The following IGSF10 variants were observed in gnomAD, a reference collection of about 807,000 sequenced individuals.
IGSF10 encodes immunoglobulin superfamily member 10.
In IGSF10, 126 loss-of-function variants were observed where a neutral mutation model predicts 128.2. The ratio of observed to expected loss-of-function variants is 0.98; its 90% CI spans 0.85 to 1.14. IGSF10 has a LOEUF of 1.14. Ranked by LOEUF, IGSF10 falls within the 50% of genes most tolerant of loss-of-function variation. The pLI is 0.00. For synonymous variants in IGSF10, 1,185 were observed against 1,146.2 expected (o/e 1.03, Z -0.68); for missense variants, 3,295 against 3,149.8 (o/e 1.05, Z -1.10).
At chr3:151,494,734 A>G in the IGSF10 span, among the ~76,000 whole-genome samples, 76 of 152,114 alleles carry the variant, frequency 5.0e-4, no homozygotes, top group Non-Finnish European at 7.4e-4. Flanking sequence ...CTTACTTTTA[A>G]CTGTAATTCT....
chr3:151,573,486 C>T, the IGSF10 span, among the ~76,000 whole-genome samples: 1 of 152,186 alleles, frequency 6.6e-6, no homozygotes, highest in East Asian at 1.9e-4. Context: ...TATGTAGTGG[C>T]CTTCTTTGTC....
the IGSF10 span, among the ~76,000 whole-genome samples, chr3:151,527,990 T>G: frequency 3.3e-5 from 5 of 152,144 alleles, no homozygotes. Context: ...GATTTTAACT[T>G]CATCAATTAA....
chr3:151,546,189 T>C, the IGSF10 span, among the ~76,000 whole-genome samples: 4 of 151,766 alleles, frequency 2.6e-5, no homozygotes, highest in Admixed American at 2.0e-4. Context: ...TAAGCAAAAA[T>C]CTCTGTTGGC....
the IGSF10 span, among the ~76,000 whole-genome samples, chr3:151,538,702 G>A: frequency 6.6e-6 from 1 of 152,082 alleles, no homozygotes; most frequent in Admixed American, 6.5e-5. Flanking sequence ...ACACAATATT[G>A]CTTTAAGAAC....
At chr3:151,508,281 A>G in the IGSF10 span, among the ~76,000 whole-genome samples, 1 of 152,186 alleles carries the variant, frequency 6.6e-6, no homozygotes, top group East Asian at 1.9e-4. Flanking sequence ...AAAACATAAA[A>G]TGAAAGGTTT....
At chr3:151,589,693 G>C in the IGSF10 span, among the ~76,000 whole-genome samples, 1 of 152,088 alleles carries the variant, frequency 6.6e-6, no homozygotes, top group Non-Finnish European at 1.5e-5. Flanking sequence ...CTAGAAAAAA[G>C]GGTTTTTGAT....
the IGSF10 span, among the ~76,000 whole-genome samples, chr3:151,533,972 C>A: frequency 6.6e-6 from 1 of 152,216 alleles, no homozygotes; most frequent in East Asian, 1.9e-4. Flanking sequence ...ACAACAACAA[C>A]AACTCTTTCA....
the IGSF10 span, among the ~76,000 whole-genome samples, chr3:151,494,763 T>C: frequency 1.3e-5 from 2 of 152,138 alleles, no homozygotes; most frequent in Non-Finnish European, 2.9e-5. Flanking sequence ...TCGATGGAAA[T>C]GAATTTCACT....
the IGSF10 span, among the ~76,000 whole-genome samples, chr3:151,467,869 G>A: frequency 2.7e-5 from 4 of 146,264 alleles, no homozygotes; most frequent in Non-Finnish European, 4.5e-5. Flanking sequence ...GGGCGACAGC[G>A]AGACTCCATC....
chr3:151,445,184 G>C lies in IGSF10; in HGVS notation c.4797C>G (p.Gly1599=). Residue 1599 remains glycine, a synonymous_variant, in exon 6 of 8, where the codon GGC becomes GGG. Transcript: ENST00000282466. ...KPEVSMLATT[G]LSEATTLVSD... ...AAACAAGAGTGGTGGCCTCGGACAG[G>C]CCTGTAGTAGCCAACATGCTTACTT... 6.2e-7 allele frequency: 1 copy of C among 1,614,228 alleles called. No homozygotes were observed. Among genetic ancestry groups the C allele is most frequent in the East Asian group, 2.2e-5 (1 of 44,888 alleles).
At chr3:151,594,524 G>A in the IGSF10 span, among the ~76,000 whole-genome samples, 2 of 151,434 alleles carry the variant, frequency 1.3e-5, no homozygotes, top group Non-Finnish European at 2.9e-5. Flanking sequence ...TAGTAGAGAC[G>A]GGGTTTCACC....
chr3:151,527,074 A>C, the IGSF10 span, among the ~76,000 whole-genome samples: 1 of 152,208 alleles, frequency 6.6e-6, no homozygotes, highest in South Asian at 2.1e-4. Context: ...TTGTAGAAAA[A>C]AATTTTTTTC....
chr3:151,472,201 C>A, the IGSF10 span, among the ~76,000 whole-genome samples: 186 of 152,304 alleles, frequency 1.2e-3, no homozygotes, highest in African/African-American at 4.3e-3. Context: ...TAATATATGT[C>A]TACCACCTGA....
the IGSF10 span, among the ~76,000 whole-genome samples, chr3:151,552,671 T>A: frequency 2.5e-3 from 382 of 152,290 alleles, 1 homozygote; most frequent in African/African-American, 8.3e-3. Flanking sequence ...GTTAGTCACA[T>A]GCATCCTCTC....
chr3:151,533,475 A>G, the IGSF10 span, among the ~76,000 whole-genome samples: 5 of 152,178 alleles, frequency 3.3e-5, no homozygotes, highest in African/African-American at 7.2e-5. Context: ...AATGGAACAC[A>G]ACAGAGGCCT....
chr3:151,546,026 A>G, the IGSF10 span, among the ~76,000 whole-genome samples: 1 of 150,836 alleles, frequency 6.6e-6, no homozygotes, highest in Non-Finnish European at 1.5e-5. Flanking sequence ...ATTAGATTAG[A>G]GATCATATGT....
At chr3:151,606,977 A>G in the IGSF10 span, among the ~76,000 whole-genome samples, 1 of 152,220 alleles carries the variant, frequency 6.6e-6, no homozygotes, top group Non-Finnish European at 1.5e-5. Context: ...TGGATGGAGA[A>G]TTTGTAGTGC....
chr3:151,492,542 C>T, the IGSF10 span, among the ~76,000 whole-genome samples: 3 of 152,028 alleles, frequency 2.0e-5, no homozygotes, highest in African/African-American at 7.2e-5. Flanking sequence ...TGAGACCGGC[C>T]TGACACCTCT....
intron 3 of IGSF10, among the ~76,000 whole-genome samples, chr3:151,458,263 C>CT (rs1166161057): frequency 6.6e-6 from 1 of 152,066 alleles, no homozygotes; most frequent in Non-Finnish European, 1.5e-5. Flanking sequence ...CAGAAAGAAG[C>CT]TTTTTACCGT....
Sources: allele counts gnomAD v4.1 joint callset (sites outside exome capture counted in the v4.1 genomes callset), GRCh38; gene constraint gnomAD v4.1.1; transcripts MANE v1.5; gene names NCBI Gene and HGNC (gene_info 2026-07-23, HGNC 2026-07-21).